SNTG1: variants seen among roughly 807,000 people sequenced by gnomAD.
The protein encoded by SNTG1 is gamma-1-syntrophin.
SNTG1 carries 39 observed loss-of-function variants against 74.7 expected under a neutral mutation model. That is an observed-to-expected ratio of 0.52 (90% confidence interval 0.40 to 0.68). SNTG1 has a LOEUF of 0.68. Ranked by LOEUF, SNTG1 falls within the 30% of genes least tolerant of loss-of-function variation. The pLI is 0.00. For missense variants in SNTG1, 685 were observed against 609.5 expected (o/e 1.12, Z -1.30); for synonymous variants, 254 against 217.1 (o/e 1.17, Z -1.49).
chr8:50,585,645 TAA>T (rs548792311), intron 12 of SNTG1, among the ~76,000 whole-genome samples: 74 of 152,132 alleles, frequency 4.9e-4, no homozygotes, highest in Non-Finnish European at 7.4e-4. Flanking sequence ...AGAAAATTTT[TAA>T]AACTTTGCTC....
At chr8:50,415,445 T>A (rs1286874750) in intron 4 of SNTG1, among the ~76,000 whole-genome samples, 1 of 152,132 alleles carries the variant, frequency 6.6e-6, no homozygotes, top group East Asian at 1.9e-4. Flanking sequence ...TTGATGTAAA[T>A]GTTTACTTAT....
chr8:50,641,805 G>A (rs1004627624), intron 13 of SNTG1, among the ~76,000 whole-genome samples: 3 of 151,970 alleles, frequency 2.0e-5, no homozygotes, highest in Admixed American at 6.6e-5. Flanking sequence ...ACACCTTTGT[G>A]GTTCTCTCCT....
At chr8:50,306,057 C>A (rs937339093) in intron 2 of SNTG1, among the ~76,000 whole-genome samples, 1 of 150,556 alleles carries the variant, frequency 6.6e-6, no homozygotes, top group African/African-American at 2.5e-5. Context: ...CCCACCCTCC[C>A]CCTTCTGAGT....
chr8:50,223,546 T>C (rs2085173946), intron 2 of SNTG1, among the ~76,000 whole-genome samples: 1 of 152,020 alleles, frequency 6.6e-6, no homozygotes, highest in South Asian at 2.1e-4. Context: ...TTTTCAACAT[T>C]AGAAAAATAT....
At chr8:49,928,180 T>TAAATAAATAAAA (rs1554522316) in intron 1 of SNTG1, among the ~76,000 whole-genome samples, 8 of 144,084 alleles carry the variant, frequency 5.6e-5, no homozygotes, top group Middle Eastern at 3.5e-3. Context: ...AATAAATAAA[T>TAAATAAATAAAA]AAAAATAAAA....
intron 2 of SNTG1, among the ~76,000 whole-genome samples, chr8:50,390,368 C>A (rs979828208): frequency 3.9e-5 from 6 of 151,938 alleles, no homozygotes; most frequent in East Asian, 1.9e-4. Context: ...TGTCAAAGAT[C>A]AGATAGTTGT....
At chr8:50,506,331 C>T (rs897120901) in intron 9 of SNTG1, among the ~76,000 whole-genome samples, 5 of 151,936 alleles carry the variant, frequency 3.3e-5, no homozygotes, top group Non-Finnish European at 5.9e-5. Context: ...ATTCAGAATT[C>T]GTTGAGGTTT....
intron 13 of SNTG1, among the ~76,000 whole-genome samples, chr8:50,592,549 AT>A (rs1192039891): frequency 6.6e-6 from 1 of 152,226 alleles, no homozygotes; most frequent in African/African-American, 2.4e-5. Context: ...TTAGAATAGT[AT>A]TAAGTAAAAT....
chr8:49,985,530 T>C (rs1237006504), intron 1 of SNTG1, among the ~76,000 whole-genome samples: 12 of 152,228 alleles, frequency 7.9e-5, no homozygotes, highest in East Asian at 1.9e-4. Context: ...ATTTTGTTAA[T>C]ATAGATTAGG....
intron 9 of SNTG1, among the ~76,000 whole-genome samples, chr8:50,523,677 A>G (rs2094198129): frequency 6.6e-6 from 1 of 152,190 alleles, no homozygotes; most frequent in Non-Finnish European, 1.5e-5. Context: ...AGCATCAATG[A>G]TGACTGATGA....
chr8:50,045,346 C>T (rs1439090863), intron 1 of SNTG1, among the ~76,000 whole-genome samples: 1 of 152,154 alleles, frequency 6.6e-6, no homozygotes, highest in African/African-American at 2.4e-5. Flanking sequence ...AGAGCATGAG[C>T]AGGCACATCA....
intron 8 of SNTG1, among the ~76,000 whole-genome samples, chr8:50,485,876 G>A (rs1434825033): frequency 6.6e-6 from 1 of 150,416 alleles, no homozygotes; most frequent in East Asian, 2.0e-4. Context: ...TCCAGTTTCA[G>A]CTTTCTACAT....
chr8:50,140,805 T>C (rs930339960), intron 1 of SNTG1, among the ~76,000 whole-genome samples: 22 of 152,208 alleles, frequency 1.4e-4, no homozygotes, highest in Admixed American at 6.5e-4. Flanking sequence ...CTTTAAAACA[T>C]GGTCATTTTG....
chr8:50,150,706 GTGTATGTTGAACCAGCC>G (rs1485605495), intron 1 of SNTG1, among the ~76,000 whole-genome samples: 3 of 152,134 alleles, frequency 2.0e-5, no homozygotes. Flanking sequence ...TTATTGATTT[GTGTATGTTGAACCAGCC>G]TGTATGTTGA....
intron 11 of SNTG1, among the ~76,000 whole-genome samples, chr8:50,540,472 T>G (rs1237033293): frequency 6.6e-6 from 1 of 152,190 alleles, no homozygotes; most frequent in Non-Finnish European, 1.5e-5. Context: ...TATTGTCATT[T>G]TTTTAGTGCT....
At chr8:50,780,826 C>T (rs1248676520) in intron 18 of SNTG1, among the ~76,000 whole-genome samples, 2 of 152,120 alleles carry the variant, frequency 1.3e-5, no homozygotes, top group African/African-American at 4.8e-5. Flanking sequence ...TTCCTGCTTT[C>T]TCTTGTGGGC....
At chr8:50,620,020 G>T (rs1263587720) in intron 13 of SNTG1, among the ~76,000 whole-genome samples, 1 of 152,022 alleles carries the variant, frequency 6.6e-6, no homozygotes, top group East Asian at 1.9e-4. Context: ...TTGTGTTCCT[G>T]TAGGTCTGAA....
At chr8:50,111,724 A>G (rs2080600262) in intron 1 of SNTG1, among the ~76,000 whole-genome samples, 1 of 152,178 alleles carries the variant, frequency 6.6e-6, no homozygotes. Context: ...AGTGGAGGGC[A>G]TATATCTCAG....
chr8:50,787,901 G>A lies in SNTG1; in HGVS notation c.1396-4770G>A, dbSNP rs544861603. Among the ~76,000 whole-genome samples, 72 of 152,062 alleles carry A rather than the reference G, an allele frequency of 4.7e-4. 1 individual carries two copies. The South Asian group carries it at 0.011, about 23-fold the overall frequency. On this transcript the variant is annotated intron_variant, in intron 18 of 18. Transcript: ENST00000642720. ...GATATATTTTTGGAGTGATAAAAAT[G>A]TTCTAAAATTTGATGATGATAGTTG...
Sources: gnomAD v4.1 joint callset for allele counts (sites outside exome capture counted in the v4.1 genomes callset) on GRCh38, gnomAD v4.1.1 for gene constraint, MANE v1.5 for transcripts, NCBI Gene and HGNC (gene_info 2026-07-23, HGNC 2026-07-21) for gene names.